FLRT2: variants seen among roughly 807,000 people sequenced by gnomAD.
FLRT2 encodes the protein fibronectin leucine rich transmembrane protein 2, also known as leucine-rich repeat transmembrane protein FLRT2.
Under a neutral mutation model 40.0 loss-of-function variants are expected in FLRT2, and 15 were observed. The ratio of observed to expected loss-of-function variants is 0.38; its 90% CI spans 0.25 to 0.58. FLRT2 has a LOEUF of 0.58. Among genes scored for constraint, FLRT2 ranks in the 20% least tolerant of loss-of-function variants. The pLI is 0.71. For synonymous variants in FLRT2, 380 were observed against 336.8 expected, an observed-to-expected ratio of 1.13 and a Z score of -1.41; for missense variants, 726 against 840.0, an observed-to-expected ratio of 0.86 and a Z score of 1.68.
At chr14:85,602,446 G>A (rs150881926) in intron 1 of FLRT2, among the ~76,000 whole-genome samples, 91 of 152,262 alleles carry the variant, frequency 6.0e-4, no homozygotes, top group African/African-American at 2.0e-3. Flanking sequence ...ATTAAAGCAC[G>A]CTGGAGCTCA....
chr14:85,536,566 T>A lies in FLRT2; in HGVS notation c.-377+6032T>A, dbSNP rs143094962. Among the ~76,000 whole-genome samples the A allele has an allele frequency of 2.1e-3, 318 of 152,332 alleles. 2 individuals carry two copies. Among genetic ancestry groups the A allele is most frequent in the Middle Eastern group, 0.014 (4 of 294 alleles). On this transcript the variant is annotated intron_variant, in intron 1 of 1. Transcript: ENST00000330753. ...TTTCACTAGATTACTTTAATAACTTTGTGATTTCTGCTACAGTGATTCAAA... is the reference window on the plus strand; with the variant it reads ...TTTCACTAGATTACTTTAATAACTTAGTGATTTCTGCTACAGTGATTCAAA...
At position 85,643,898 on chromosome 14, in the gene FLRT2, T is replaced by C. The variant is rs1200722497; in HGVS notation, c.*20401T>C. 20 of 152,148 alleles carry C rather than the reference T, an allele frequency of 1.3e-4. No individual in the cohort carries two copies. Among genetic ancestry groups the C allele is most frequent in the Non-Finnish European group, 2.6e-4 (18 of 68,028 alleles). The allele number at this position is 152,148 out of a possible 1,614,324, so 9.4% of individuals were successfully genotyped here. On this transcript the variant is annotated 3_prime_UTR_variant, in exon 2 of 2. Transcript: ENST00000330753. ...GTTTTTATTATAAGCATTAAAAGTA[T>C]AGTAGTAGGAAACTGTGTTTAACCT...
chr14:85,532,200 G>A (rs1168743442), intron 1 of FLRT2, among the ~76,000 whole-genome samples: 1 of 152,158 alleles, frequency 6.6e-6, no homozygotes, highest in Non-Finnish European at 1.5e-5. Flanking sequence ...CGGATCCCTG[G>A]GGGGTTGGTC....
chr14:85,555,780 T>G (rs1889921272), intron 1 of FLRT2, among the ~76,000 whole-genome samples: 1 of 151,784 alleles, frequency 6.6e-6, no homozygotes, highest in African/African-American at 2.4e-5. Flanking sequence ...GATCTCAAAC[T>G]CCTGGCCTCA....
intron 1 of FLRT2, among the ~76,000 whole-genome samples, chr14:85,601,952 A>T (rs1892394720): frequency 6.6e-6 from 1 of 152,170 alleles, no homozygotes; most frequent in Non-Finnish European, 1.5e-5. Context: ...TCTGGAAGTC[A>T]GGTGGGAGTG....
chr14:85,584,338 G>T (rs1390461168), intron 1 of FLRT2, among the ~76,000 whole-genome samples: 1 of 152,132 alleles, frequency 6.6e-6, no homozygotes, highest in African/African-American at 2.4e-5. Flanking sequence ...ATTAGCAAAA[G>T]AAATCATATT....
intron 1 of FLRT2, among the ~76,000 whole-genome samples, chr14:85,619,410 T>C (rs561598792): frequency 4.6e-5 from 7 of 152,138 alleles, no homozygotes; most frequent in Non-Finnish European, 1.0e-4. Flanking sequence ...TGATTTTTAA[T>C]AAAGCATCGT....
At chr14:85,542,239 C>A (rs552884104) in intron 1 of FLRT2, among the ~76,000 whole-genome samples, 2 of 152,194 alleles carry the variant, frequency 1.3e-5, no homozygotes. Flanking sequence ...GAACAAATAG[C>A]AGTGTTCAGA....
chr14:85,567,996 T>C (rs1332310408), intron 1 of FLRT2, among the ~76,000 whole-genome samples: 3 of 152,080 alleles, frequency 2.0e-5, no homozygotes, highest in Non-Finnish European at 2.9e-5. Flanking sequence ...AGAAACAGCA[T>C]GACTTGCCGT....
chr14:85,608,472 G>T (rs528657434), intron 1 of FLRT2, among the ~76,000 whole-genome samples: 45 of 152,182 alleles, frequency 3.0e-4, no homozygotes, highest in African/African-American at 1.1e-3. Context: ...GACCTCTAGT[G>T]ATCCACCCGC....
intron 1 of FLRT2, among the ~76,000 whole-genome samples, chr14:85,607,248 C>A (rs1892664799): frequency 6.6e-6 from 1 of 152,110 alleles, no homozygotes; most frequent in African/African-American, 2.4e-5. Flanking sequence ...ACCCAAGAGT[C>A]ATGCTCCCTC....
At chr14:85,556,889 G>A (rs534955287) in intron 1 of FLRT2, among the ~76,000 whole-genome samples, 16 of 152,292 alleles carry the variant, frequency 1.1e-4, no homozygotes, top group Admixed American at 1.3e-4. Flanking sequence ...GTTTAATTGG[G>A]CTTACAGTTC....
At position 85,645,606 on chromosome 14, in the gene FLRT2, G is replaced by A. The variant is rs935111399; in HGVS notation, c.*22109G>A. 1.3e-5 allele frequency: 2 copies of A among 152,136 alleles called. No individual in the cohort carries two copies. The highest frequency in any genetic ancestry group is 1.5e-5 in the Non-Finnish European group (1 of 68,024). 9.4% of individuals were successfully genotyped at this position (152,136 alleles called of 1,614,324 possible). ...AGGGAAGAAATACGTGTTAAGGATT[G>A]TTCATAAGTGGCAGAACCTATGAGA... On this transcript the variant is annotated 3_prime_UTR_variant, in exon 2 of 2. Transcript: ENST00000330753.
At chr14:85,558,237 G>C (rs1238397505) in intron 1 of FLRT2, among the ~76,000 whole-genome samples, 1 of 152,094 alleles carries the variant, frequency 6.6e-6, no homozygotes, top group Non-Finnish European at 1.5e-5. Flanking sequence ...CAGAACAAGA[G>C]GCAAAGGGCT....
intron 1 of FLRT2, among the ~76,000 whole-genome samples, chr14:85,615,387 C>T (rs1412906126): frequency 6.6e-6 from 1 of 152,172 alleles, no homozygotes; most frequent in Non-Finnish European, 1.5e-5. Context: ...ATAGCTTTTC[C>T]TTTTTGGTCT....
chr14:85,597,350 C>A (rs1319085949), intron 1 of FLRT2, among the ~76,000 whole-genome samples: 1 of 151,972 alleles, frequency 6.6e-6, no homozygotes, highest in Non-Finnish European at 1.5e-5. Context: ...AGGAGATGGG[C>A]GATTTAGAGA....
intron 1 of FLRT2, among the ~76,000 whole-genome samples, chr14:85,608,254 G>A (rs1187099224): frequency 6.6e-6 from 1 of 151,106 alleles, no homozygotes; most frequent in Non-Finnish European, 1.5e-5. Flanking sequence ...TTTTGAGACA[G>A]AGTCTCACTC....
At position 85,643,838 on chromosome 14, in the gene FLRT2, A is replaced by G. The variant is rs915716925; in HGVS notation, c.*20341A>G. On this transcript the variant is annotated 3_prime_UTR_variant, in exon 2 of 2. Transcript: ENST00000330753. Reference sequence around the variant, plus strand: ...ATCCTGGAGTGACAGAGAACAAACGACAACATTTAGTCCAGTTGCAGCAGA... The same window carrying G: ...ATCCTGGAGTGACAGAGAACAAACGGCAACATTTAGTCCAGTTGCAGCAGA... 1 of 152,192 alleles carries G rather than the reference A, an allele frequency of 6.6e-6. No individual in the cohort carries two copies. Among genetic ancestry groups the G allele is most frequent in the African/African-American group, 2.4e-5 (1 of 41,440 alleles). 9.4% of individuals were successfully genotyped at this position (152,192 alleles called of 1,614,324 possible).
rs1893363728 is a variant in FLRT2 at position 85,621,198 on chromosome 14, AAAG to A, written c.-309_-307del. 1 of 374,074 alleles carries A rather than the reference AAAG, an allele frequency of 2.7e-6. No individual in the cohort carries two copies. Among genetic ancestry groups the A allele is most frequent in the Admixed American group, 4.3e-5 (1 of 23,504 alleles). The allele number at this position is 374,074 out of a possible 1,614,324, so 23.2% of individuals were successfully genotyped here. A position where few individuals can be genotyped will look rare whatever the true frequency, so the allele number is the denominator to read the frequency against. ...CTAATCAAGGCTGGCTTGACCTACA[AAAG>A]AAGAAGAGAGTTCTGCCTGCCCACT... On this transcript the variant is annotated 5_prime_UTR_variant, in exon 2 of 2. Transcript: ENST00000330753.
Sources: allele counts gnomAD v4.1 joint callset (sites outside exome capture counted in the v4.1 genomes callset), GRCh38; gene constraint gnomAD v4.1.1; transcripts MANE v1.5; gene names NCBI Gene and HGNC (gene_info 2026-07-23, HGNC 2026-07-21).